Variants in CLSTN3 observed in about 807,000 individuals in gnomAD.
The protein encoded by CLSTN3 is calsyntenin-3.
CLSTN3 carries 36 observed loss-of-function variants against 95.9 expected under a neutral mutation model. The ratio of observed to expected loss-of-function variants is 0.38; its 90% CI spans 0.29 to 0.50. The LOEUF is 0.50. CLSTN3 is among the 20% of genes least tolerant of loss of function. CLSTN3 has a pLI of 0.95. For missense variants in CLSTN3, 1,084 were observed against 1,268.8 expected (o/e 0.85, Z 2.21); for synonymous variants, 481 against 504.0 (o/e 0.95, Z 0.61).
chr12:7,143,142 G>A (rs779865357), intron 11 of CLSTN3, 21 bp from the exon 12 acceptor site: 2 of 1,609,886 alleles, frequency 1.2e-6, no homozygotes, highest in South Asian at 1.1e-5. Context: ...GCTCTCAGCT[G>A]TATCTGTGTC....
Position 7,137,891 on chromosome 12 carries a change from C to T in CLSTN3, c.1211-64C>T, listed in dbSNP as rs1014447864. The T allele has an allele frequency of 1.7e-6, 2 of 1,168,776 alleles. No individual in the cohort carries two copies. The highest frequency in any genetic ancestry group is 3.0e-5 in the African/African-American group (2 of 65,578). The allele number at this position is 1,168,776 out of a possible 1,614,324, so 72.4% of individuals were successfully genotyped here. On this transcript the variant is annotated intron_variant, in intron 7 of 17. Transcript: ENST00000266546. The surrounding 1 kb of genome is among the most constrained non-coding windows in gnomAD (Gnocchi z 4.4). The stretch of plus-strand genomic sequence containing the variant: ...AGAATCCAACATCCTCTCCTTCCTG[C>T]TGCTTTGAACTTGTTCTGGCCTCAG...
At chr12:7,131,814 C>T in intron 1 of CLSTN3, 1 of 456,454 alleles carries the variant, frequency 2.2e-6, no homozygotes, top group Non-Finnish European at 4.4e-6. Context: ...CCTCAGCATT[C>T]AGGAAGGGGT....
At chr12:7,138,248 C>T (rs949827530) in intron 8 of CLSTN3, among the ~76,000 whole-genome samples, 181 bp downstream of exon 8, 2 of 151,918 alleles carry the variant, frequency 1.3e-5, no homozygotes, top group African/African-American at 4.8e-5. Context: ...CAAAGCTTGT[C>T]CCCTGCAGAA....
chr12:7,131,028 G>A, intron 1 of CLSTN3: 1 of 486,094 alleles, frequency 2.1e-6, no homozygotes, highest in East Asian at 3.9e-5. Flanking sequence ...TGGCTACCTC[G>A]GGTCTGGGAA....
rs1193103128 is a variant in CLSTN3, at chr12:7,150,699, G to A, written c.2391+10G>A. ...TGAATTCATCGTGGAGGTACCCAGA[G>A]AGTCTCCTTCCTTCCACAGTTACCC... is the stretch of plus-strand genomic sequence containing the variant. On this transcript the variant is annotated intron_variant, in intron 15 of 17. Transcript: ENST00000266546. The surrounding 1 kb of genome is among the most constrained non-coding windows in gnomAD (Gnocchi z 4.0). 1.2e-6 allele frequency: 2 copies of A among 1,611,514 alleles called. No homozygotes were observed. Among genetic ancestry groups the A allele is most frequent in the Non-Finnish European group, 1.7e-6 (2 of 1,177,838 alleles).
In CLSTN3 at chr12:7,148,991, T is replaced by C; in HGVS notation, c.1867T>C (p.Cys623Arg). The change falls in exon 13 of 18, where the codon TGC (cysteine) becomes CGC (arginine). Residue 623 changes from cysteine to arginine, a missense_variant. By Grantham distance (180) the Cys-to-Arg change is radical. Transcript: ENST00000266546. ...TAVKCFSEES[C>R]VSIPEVEGYV... ...ACATAGGTGCTTCAGCGAAGAGTCCTGCGTCTCCATCCCTGAAGTGGAGGG... is the reference window on the plus strand; with the variant it reads ...ACATAGGTGCTTCAGCGAAGAGTCCCGCGTCTCCATCCCTGAAGTGGAGGG... 6.2e-7 allele frequency: 1 copy of C among 1,614,164 alleles called. No individual in the cohort carries two copies. The highest frequency in any genetic ancestry group is 8.5e-7 in the Non-Finnish European group (1 of 1,179,996).
In CLSTN3 at chr12:7,133,301, T is replaced by C. The variant is rs1010194982; in HGVS notation, c.187+155T>C. Reference sequence around the variant, plus strand: ...GAGGGGAATGGTCTCCACTGAAGAATGGAGATTGAGTCAAGGATGCCAGAA... The same window carrying C: ...GAGGGGAATGGTCTCCACTGAAGAACGGAGATTGAGTCAAGGATGCCAGAA... On this transcript the variant is annotated intron_variant, in intron 2 of 17. Transcript: ENST00000266546. This position sits in a 1 kb window ranked among gnomAD's most constrained non-coding sequence, Gnocchi z 4.7. 6.6e-6 allele frequency among the ~76,000 whole-genome samples: 1 copy of C among 151,994 alleles called. No homozygotes were observed. Among genetic ancestry groups the C allele is most frequent in the Non-Finnish European group, 1.5e-5 (1 of 67,974 alleles).
intron 12 of CLSTN3, among the ~76,000 whole-genome samples, chr12:7,144,150 T>G (rs550169319): frequency 2.8e-5 from 4 of 145,012 alleles, no homozygotes; most frequent in African/African-American, 1.0e-4. Flanking sequence ...TTGCTTGAAC[T>G]GGGACCCAGG....
Position 7,151,001 on chromosome 12 carries a change from G to A in CLSTN3, c.2465G>A (p.Arg822His), listed in dbSNP as rs753342128. Reference sequence around the variant, plus strand: ...CTCAGCTCCCAGCAGTTCCTGCACCGTGGTCACCAGCCCCCGCCTGAGATG... The same window carrying A: ...CTCAGCTCCCAGCAGTTCCTGCACCATGGTCACCAGCCCCCGCCTGAGATG... ...HVLSSQQFLH[R>H]GHQPPPEMAG... The change falls in exon 16 of 18, where the codon CGT becomes CAT. Residue 822 changes from arginine (R) to histidine (H), a missense_variant. Arg to His is a conservative substitution (Grantham distance 29). Transcript: ENST00000266546. The A allele has an allele frequency of 5.3e-5, 86 of 1,612,870 alleles. No individual in the cohort carries two copies. In the East Asian group the frequency reaches 1.3e-3, roughly 24 times the overall value.
chr12:7,157,006 C>T lies in CLSTN3; in HGVS notation c.2528-483C>T, dbSNP rs1417886020. 2 of 360,490 alleles carry T rather than the reference C, an allele frequency of 5.5e-6. No homozygotes were observed. Among genetic ancestry groups the T allele is most frequent in the African/African-American group, 4.3e-5 (2 of 46,948 alleles). 22.3% of individuals were successfully genotyped at this position (360,490 alleles called of 1,614,324 possible). ...AGGTGCTAGTGCCCTCTTCCTGCAG[C>T]CAGCCCAGGCCTGGAGCCTGCATCT... On this transcript the variant is annotated intron_variant, in intron 16 of 17. Transcript: ENST00000266546. This position sits in a 1 kb window ranked among gnomAD's most constrained non-coding sequence, Gnocchi z 5.9.
chr12:7,140,558 C>T (rs531476433), intron 8 of CLSTN3, among the ~76,000 whole-genome samples: 6 of 152,228 alleles, frequency 3.9e-5, no homozygotes, highest in Non-Finnish European at 8.8e-5. Context: ...CTGACCATCC[C>T]CCATTCCATC....
chr12:7,149,479 T>C lies in CLSTN3; in HGVS notation c.2075-44T>C. 2 of 1,566,220 alleles carry C rather than the reference T, an allele frequency of 1.3e-6. No homozygotes were observed. The highest frequency in any genetic ancestry group is 8.7e-7 in the Non-Finnish European group (1 of 1,149,354). On this transcript the variant is annotated intron_variant, in intron 13 of 17. Coordinates refer to ENST00000266546, the MANE Select transcript of CLSTN3 (RefSeq NM_014718.4). This position sits in a 1 kb window ranked among gnomAD's most constrained non-coding sequence, Gnocchi z 4.5. ...GCATGGTTGGGTCTCAGAACCTCCG[T>C]GGGCCCTTTGGCTCTGACCCAGACC...
Position 7,149,605 on chromosome 12 carries a change from C to T in CLSTN3, c.2157C>T (p.Pro719=), listed in dbSNP as rs781125792. 2.0e-5 allele frequency: 32 copies of T among 1,613,962 alleles called. No individual in the cohort carries two copies. The highest frequency in any genetic ancestry group is 2.2e-5 in the East Asian group (1 of 44,892). ...CTCTGGTGGGGGATGACCTGGATCCCGAGCGGGAAAGCCTGCTCCTGGACA... is the reference window on the plus strand; with the variant it reads ...CTCTGGTGGGGGATGACCTGGATCCTGAGCGGGAAAGCCTGCTCCTGGACA... ...EISLVGDDLD[P]ERESLLLDTT... is the part of the protein sequence containing the mutation. Residue 719 remains proline (P), a synonymous_variant, in exon 14 of 18, where the codon CCC becomes CCT. Coordinates refer to ENST00000266546, the MANE Select transcript of CLSTN3 (RefSeq NM_014718.4). This position sits in a 1 kb window ranked among gnomAD's most constrained non-coding sequence, Gnocchi z 4.5.
At position 7,137,844 on chromosome 12, in the gene CLSTN3, G is replaced by A; in HGVS notation, c.1211-111G>A. On this transcript the variant is annotated intron_variant, in intron 7 of 17. Transcript: ENST00000266546. The surrounding 1 kb of genome is among the most constrained non-coding windows in gnomAD (Gnocchi z 4.4). ...AGAGGAAAGAAAAATGCTAGAGAAC[G>A]AGGGAATGAGAGAGGATTAAGAGAA... 4 of 702,188 alleles carry A rather than the reference G, an allele frequency of 5.7e-6. No homozygotes were observed. The highest frequency in any genetic ancestry group is 9.7e-6 in the Non-Finnish European group (4 of 411,166). The allele number at this position is 702,188 out of a possible 1,614,324, so 43.5% of individuals were successfully genotyped here.
Position 7,157,123 on chromosome 12 carries a change from G to T in CLSTN3, c.2528-366G>T, listed in dbSNP as rs964709184. Among the ~76,000 whole-genome samples, 9 of 152,186 alleles carry T rather than the reference G, an allele frequency of 5.9e-5. No individual in the cohort carries two copies. Among genetic ancestry groups the T allele is most frequent in the African/African-American group, 2.2e-4 (9 of 41,436 alleles). On this transcript the variant is annotated intron_variant, in intron 16 of 17. Transcript: ENST00000266546. This position sits in a 1 kb window ranked among gnomAD's most constrained non-coding sequence, Gnocchi z 5.9. ...CTAGGCTGAGTGGTCTCTGGGGAAG[G>T]CACAGGTGGAATGACAGGGGCAGAT...
In CLSTN3 at chr12:7,158,217, A is replaced by C. The variant is rs928394726; in HGVS notation, c.*136A>C. The stretch of plus-strand genomic sequence containing the variant: ...TCAGAACCAGTCCTCCTTTCATTTC[A>C]AAACCCCAGCGGGCCCTCTGGAGTC... On this transcript the variant is annotated 3_prime_UTR_variant, in exon 18 of 18. Coordinates refer to ENST00000266546, the MANE Select transcript of CLSTN3 (RefSeq NM_014718.4). The C allele has an allele frequency of 4.3e-6, 5 of 1,159,854 alleles. No homozygotes were observed. In the African/African-American group the frequency reaches 7.8e-5, roughly 18 times the overall value. 71.8% of individuals were successfully genotyped at this position (1,159,854 alleles called of 1,614,324 possible).
upstream of CLSTN3, chr12:7,129,568 C>A (rs764213436): frequency 1.0e-6 from 1 of 970,694 alleles, no homozygotes; most frequent in East Asian, 1.1e-4. The surrounding 1 kb of genome is among the most constrained non-coding windows in gnomAD (Gnocchi z 5.5). Flanking sequence ...GGTTTTCTCT[C>A]CCTCTGAGTC....
At chr12:7,131,071 C>T (rs1839229609) in intron 1 of CLSTN3, 2 of 422,524 alleles carry the variant, frequency 4.7e-6, no homozygotes, top group Non-Finnish European at 8.8e-6. Context: ...AGGCCTCTCC[C>T]CGCGGCTCTC....
intron 6 of CLSTN3, among the ~76,000 whole-genome samples, 183 bp from the exon 7 acceptor site, chr12:7,136,646 G>T (rs1048943718): frequency 3.3e-5 from 5 of 152,242 alleles, no homozygotes; most frequent in Non-Finnish European, 5.9e-5. Flanking sequence ...TGGAGAATGG[G>T]TTAACTGGAG....
Sources: gnomAD v4.1 joint callset for allele counts (sites outside exome capture counted in the v4.1 genomes callset) on GRCh38, gnomAD v4.1.1 for gene constraint, Gnocchi (gnomAD v3.1) non-coding constraint, MANE v1.5 for transcripts, NCBI Gene and HGNC (gene_info 2026-07-23, HGNC 2026-07-21) for gene names.